Variants in CHP1 observed in about 807,000 individuals in gnomAD.
CHP1 encodes calcineurin like EF-hand protein 1.
A neutral mutation model predicts 27.4 loss-of-function variants in CHP1; 11 were observed. The observed-to-expected ratio is 0.40, with a 90% CI of 0.25 to 0.67. The LOEUF (loss-of-function observed/expected upper bound fraction) is 0.67, where lower values mean the gene tolerates loss of function less well. Among genes scored for constraint, CHP1 ranks in the 30% least tolerant of loss-of-function variants. The pLI, the probability that CHP1 is intolerant of heterozygous loss-of-function variation, is 0.38. For missense variants in CHP1, 169 were observed against 251.3 expected (o/e 0.67, Z 2.22); for synonymous variants, 89 against 87.4 (o/e 1.02, Z -0.10).
intron 2 of CHP1, among the ~76,000 whole-genome samples, chr15:41,250,835 CT>C (rs1188897531): frequency 0.015 from 2,139 of 143,684 alleles, 15 homozygotes; most frequent in Non-Finnish European, 0.023. Flanking sequence ...TTCTTTCTTT[CT>C]TTTTTTTTTT....
intron 2 of CHP1, among the ~76,000 whole-genome samples, chr15:41,247,381 A>T (rs1371866708): frequency 1.3e-5 from 2 of 150,204 alleles, no homozygotes; most frequent in Non-Finnish European, 3.0e-5. Flanking sequence ...AAAAAAAAAA[A>T]AATTCTGGCC....
chr15:41,247,549 G>A (rs2047341700), intron 2 of CHP1, among the ~76,000 whole-genome samples: 1 of 151,998 alleles, frequency 6.6e-6, no homozygotes, highest in African/African-American at 2.4e-5. Flanking sequence ...GCGCACGCCT[G>A]TAATCCCAGC....
chr15:41,234,979 A>C (rs1213325964), intron 1 of CHP1, among the ~76,000 whole-genome samples: 1 of 152,220 alleles, frequency 6.6e-6, no homozygotes, highest in East Asian at 1.9e-4. Context: ...AAATTTTTAA[A>C]GGAGTTTTTA....
chr15:41,274,869 C>A (rs567367242), intron 5 of CHP1, among the ~76,000 whole-genome samples: 2 of 148,334 alleles, frequency 1.3e-5, no homozygotes, highest in South Asian at 2.1e-4. Context: ...CAGCTCACTG[C>A]GACCTCCACC....
intron 1 of CHP1, among the ~76,000 whole-genome samples, chr15:41,237,736 C>CT (rs893261890): frequency 4.6e-5 from 7 of 151,098 alleles, no homozygotes; most frequent in African/African-American, 4.9e-5. Context: ...TTTTTCTTTT[C>CT]TTTTTTTTTG....
Position 41,265,817 on chromosome 15 carries a change from T to C in CHP1, c.349+2934T>C, listed in dbSNP as rs1170802286. 3.3e-5 allele frequency among the ~76,000 whole-genome samples: 5 copies of C among 152,158 alleles called. No individual in the cohort carries two copies. The East Asian group carries it at 9.6e-4, about 29-fold the overall frequency. On this transcript the variant is annotated intron_variant, in intron 4 of 6. Transcript: ENST00000334660. ...CTTCAGGAACTCTGAGAACACACTTTGTTCTATTTCTTTTCTAAGCCACGG... is the reference window on the plus strand; with the variant it reads ...CTTCAGGAACTCTGAGAACACACTTCGTTCTATTTCTTTTCTAAGCCACGG...
At position 41,278,358 on chromosome 15, in the gene CHP1, A is replaced by G. The variant is rs1326724238; in HGVS notation, c.412-409A>G. Among the ~76,000 whole-genome samples, 5 of 152,010 alleles carry G rather than the reference A, an allele frequency of 3.3e-5. No homozygotes were observed. In the South Asian group the frequency reaches 1.0e-3, roughly 32 times the overall value. On this transcript the variant is annotated intron_variant, in intron 5 of 6. Coordinates refer to ENST00000334660, the MANE Select transcript of CHP1 (RefSeq NM_007236.5). ...AAAAAAAAAAAAAAAAAAGGAAAAA[A>G]AATTTAACTTTTAGGTTCAGGGCTA...
intron 2 of CHP1, among the ~76,000 whole-genome samples, chr15:41,244,674 C>G (rs955980018): frequency 6.6e-6 from 1 of 152,160 alleles, no homozygotes; most frequent in African/African-American, 2.4e-5. Flanking sequence ...AATAATTATT[C>G]TGGTCTAGAT....
intron 2 of CHP1, among the ~76,000 whole-genome samples, chr15:41,248,121 C>T (rs1306524669): frequency 6.6e-6 from 1 of 152,004 alleles, no homozygotes; most frequent in Admixed American, 6.6e-5. Context: ...CTATGATGTG[C>T]CAGACACTGT....
chr15:41,231,366 G>C lies in CHP1; in HGVS notation c.-17G>C. The stretch of plus-strand genomic sequence containing the variant: ...TCTTCTGGCGCCGCTGCTCCCGGAG[G>C]AGCTCCCGGCACGGCGATGGGTTCT... On this transcript the variant is annotated 5_prime_UTR_variant, in exon 1 of 7. Coordinates refer to ENST00000334660, the MANE Select transcript of CHP1 (RefSeq NM_007236.5). The C allele has an allele frequency of 6.3e-7, 1 of 1,591,616 alleles. No individual in the cohort carries two copies. The highest frequency in any genetic ancestry group is 1.7e-4 in the Middle Eastern group (1 of 6,040).
intron 5 of CHP1, among the ~76,000 whole-genome samples, chr15:41,276,867 G>A (rs2047522013): frequency 6.6e-6 from 1 of 152,206 alleles, no homozygotes; most frequent in East Asian, 1.9e-4. Flanking sequence ...GGCTGGTACA[G>A]TACCTAACTG....
At chr15:41,239,484 A>G (rs1367975980) in intron 1 of CHP1, among the ~76,000 whole-genome samples, 2 of 151,196 alleles carry the variant, frequency 1.3e-5, no homozygotes, top group Non-Finnish European at 2.9e-5. Context: ...GCTCACTGCA[A>G]CCTCCATCTC....
chr15:41,262,665 C>G, intron 3 of CHP1, 91 bp from the exon 4 acceptor site: 2 of 1,506,734 alleles, frequency 1.3e-6, no homozygotes, highest in South Asian at 2.4e-5. Flanking sequence ...TTTCAGGCTA[C>G]CGTAGCTAAA....
At position 41,262,448 on chromosome 15, in the gene CHP1, C is replaced by T. The variant is rs577225633; in HGVS notation, c.222-308C>T. On this transcript the variant is annotated intron_variant, in intron 3 of 6. Transcript: ENST00000334660. The stretch of plus-strand genomic sequence containing the variant: ...GCTGTCTTGTATAGTGCTGGCACTA[C>T]TCTACATTCATTTTTTGGAAAACAG... Among the ~76,000 whole-genome samples the T allele has an allele frequency of 2.0e-5, 3 of 152,216 alleles. No homozygotes were observed. The East Asian group carries it at 5.8e-4, about 29-fold the overall frequency.
chr15:41,243,928 C>A (rs1425040214), intron 2 of CHP1, among the ~76,000 whole-genome samples, 189 bp downstream of exon 2: 1 of 152,110 alleles, frequency 6.6e-6, no homozygotes, highest in East Asian at 1.9e-4. Flanking sequence ...AGGCTGGGCG[C>A]GGTGGCTCAC....
At chr15:41,262,719 T>A (rs781589221) in intron 3 of CHP1, 37 bp from the exon 4 acceptor site, 2 of 1,607,028 alleles carry the variant, frequency 1.2e-6, no homozygotes, top group Non-Finnish European at 1.7e-6. Flanking sequence ...ATCACCGTGA[T>A]TGACATGGTG....
chr15:41,252,184 T>G (rs2047372258), intron 2 of CHP1, among the ~76,000 whole-genome samples: 1 of 152,038 alleles, frequency 6.6e-6, no homozygotes, highest in African/African-American at 2.4e-5. Context: ...TCTTTTCTTT[T>G]TTTTTTTTGA....
At chr15:41,234,803 A>G (rs1567001526) in intron 1 of CHP1, among the ~76,000 whole-genome samples, 1 of 152,200 alleles carries the variant, frequency 6.6e-6, no homozygotes, top group Non-Finnish European at 1.5e-5. Context: ...ATTTTGAACC[A>G]TAGTTAACAA....
chr15:41,247,219 A>T (rs1356555126), intron 2 of CHP1, among the ~76,000 whole-genome samples: 5 of 151,826 alleles, frequency 3.3e-5, no homozygotes, highest in Non-Finnish European at 1.5e-5. Context: ...AAATACAAAA[A>T]TTAGCTGGGT....
Sources: allele counts gnomAD v4.1 joint callset (sites outside exome capture counted in the v4.1 genomes callset), GRCh38; gene constraint gnomAD v4.1.1; transcripts MANE v1.5; gene names NCBI Gene and HGNC (gene_info 2026-07-23, HGNC 2026-07-21).